Variants in ALG9 observed in about 807,000 individuals in gnomAD.
ALG9 encodes the protein alpha-1,2-mannosyltransferase ALG9.
A neutral mutation model predicts 81.8 loss-of-function variants in ALG9; 55 were observed. The ratio of observed to expected loss-of-function variants is 0.67; its 90% confidence interval spans 0.54 to 0.84. The LOEUF is 0.84. ALG9 is among the 40% of genes least tolerant of loss of function. ALG9 has a pLI of 0.00. For synonymous variants in ALG9, 278 were observed against 274.3 expected (o/e 1.01, Z -0.13); for missense variants, 629 against 745.0 (o/e 0.84, Z 1.81).
rs868945577 is a variant in ALG9 at position 111,870,821 on chromosome 11, A to G, written c.132-451T>C. ...TTCTCCTTTTCTTTCTTTTCTTAAC[A>G]AGGTCATTGCTTTTGATGGCTTTAT... is the stretch of plus-strand genomic sequence containing the variant. On this transcript the variant is annotated intron_variant, in intron 1 of 14. Coordinates refer to ENST00000616540, the MANE Select transcript of ALG9 (RefSeq NM_024740.2). 123 of 1,006,864 alleles carry G rather than the reference A, an allele frequency of 1.2e-4. No homozygotes were observed. The Middle Eastern group carries it at 2.0e-3, about 16-fold the overall frequency. The allele number at this position is 1,006,864 out of a possible 1,614,324, so 62.4% of individuals were successfully genotyped here.
intron 8 of ALG9, among the ~76,000 whole-genome samples, chr11:111,852,099 A>T (rs1957919737): frequency 6.6e-6 from 1 of 152,194 alleles, no homozygotes; most frequent in South Asian, 2.1e-4. Flanking sequence ...CTATTGGCAA[A>T]ATGGCACAGG....
chr11:111,804,364 G>A (rs1949616510), intron 14 of ALG9, among the ~76,000 whole-genome samples: 1 of 152,178 alleles, frequency 6.6e-6, no homozygotes. Context: ...CACAGACTGG[G>A]AGAAAATACT....
intron 13 of ALG9, among the ~76,000 whole-genome samples, chr11:111,830,921 G>T (rs901552341): frequency 6.6e-6 from 1 of 152,030 alleles, no homozygotes; most frequent in Non-Finnish European, 1.5e-5. Flanking sequence ...CTGTAATCCC[G>T]CCACTTTGGG....
chr11:111,795,954 A>G (rs1435219901), intron 14 of ALG9, among the ~76,000 whole-genome samples: 1 of 152,210 alleles, frequency 6.6e-6, no homozygotes, highest in Non-Finnish European at 1.5e-5. Context: ...CCCATTCATC[A>G]GTCCTGTGGA....
chr11:111,831,080 A>T (rs1954283361), intron 13 of ALG9, among the ~76,000 whole-genome samples: 1 of 152,052 alleles, frequency 6.6e-6, no homozygotes, highest in African/African-American at 2.4e-5. Flanking sequence ...TCGCTCCGTC[A>T]CCGAGGCTGG....
At chr11:111,815,130 T>C (rs1272234662) in intron 13 of ALG9, among the ~76,000 whole-genome samples, 1 of 152,186 alleles carries the variant, frequency 6.6e-6, no homozygotes, top group Non-Finnish European at 1.5e-5. Context: ...TCAGTCAGAT[T>C]AGGCTTCATT....
chr11:111,808,182 G>C (rs138854849), intron 14 of ALG9, among the ~76,000 whole-genome samples: 1 of 152,194 alleles, frequency 6.6e-6, no homozygotes, highest in African/African-American at 2.4e-5. Context: ...GCTACAAAAA[G>C]ACTTACAAGA....
intron 14 of ALG9, among the ~76,000 whole-genome samples, chr11:111,807,547 A>G (rs1950102476): frequency 6.6e-6 from 1 of 152,126 alleles, no homozygotes; most frequent in African/African-American, 2.4e-5. Context: ...TCATCCTCTA[A>G]TATACTATAT....
chr11:111,778,035 C>T (rs1591729121), downstream of ALG9: 1 of 152,234 alleles, frequency 6.6e-6, no homozygotes, highest in Non-Finnish European at 1.5e-5. Flanking sequence ...TACTGTGCTT[C>T]TGTCAAATAA....
intron 13 of ALG9, among the ~76,000 whole-genome samples, chr11:111,833,355 T>C (rs1340956622): frequency 2.6e-5 from 4 of 152,130 alleles, no homozygotes; most frequent in African/African-American, 9.7e-5. Flanking sequence ...TCCTGTTCAA[T>C]AATGAGATAT....
chr11:111,837,730 G>A, intron 11 of ALG9, 115 bp from the exon 12 acceptor site: 1 of 1,167,184 alleles, frequency 8.6e-7, no homozygotes, highest in Non-Finnish European at 1.2e-6. Context: ...AAGGCAGGAA[G>A]GGCCATAGCC....
chr11:111,871,214 T>C (rs1566326757), intron 1 of ALG9, 138 bp downstream of exon 1: 5 of 1,311,796 alleles, frequency 3.8e-6, no homozygotes, highest in Non-Finnish European at 4.8e-6. Context: ...CAATAGGACC[T>C]AGCTGAAGAG....
intron 5 of ALG9, among the ~76,000 whole-genome samples, chr11:111,859,369 G>A (rs530462846): frequency 1.3e-5 from 2 of 152,128 alleles, no homozygotes; most frequent in South Asian, 4.2e-4. Context: ...GGGCGTGGTG[G>A]TGCACGCCTG....
At chr11:111,825,852 C>G (rs1402917089) in intron 13 of ALG9, among the ~76,000 whole-genome samples, 1 of 151,026 alleles carries the variant, frequency 6.6e-6, no homozygotes, top group Non-Finnish European at 1.5e-5. Context: ...GACCTGAGGT[C>G]AGGAGTTTGA....
chr11:111,865,307 C>A, intron 3 of ALG9, 56 bp from the exon 4 acceptor site: 1 of 1,343,558 alleles, frequency 7.4e-7, no homozygotes, highest in South Asian at 1.3e-5. Flanking sequence ...TAGAAAAACT[C>A]ATAAACATGA....
chr11:111,867,503 G>T (rs1444147522), intron 3 of ALG9, among the ~76,000 whole-genome samples: 1 of 152,040 alleles, frequency 6.6e-6, no homozygotes, highest in Admixed American at 6.6e-5. Context: ...AAAATTAGAA[G>T]ATATAAAGAA....
intron 8 of ALG9, among the ~76,000 whole-genome samples, chr11:111,847,043 ATGTTTAC>A (rs1306325128): frequency 2.0e-5 from 3 of 152,144 alleles, no homozygotes; most frequent in African/African-American, 7.2e-5. Context: ...AGAAGGGATA[ATGTTTAC>A]TGCTCCATAG....
intron 10 of ALG9, 35 bp downstream of exon 10, chr11:111,840,620 A>T (rs1555122733): frequency 6.2e-7 from 1 of 1,613,382 alleles, no homozygotes; most frequent in South Asian, 1.1e-5. Flanking sequence ...TAAGTAAAAA[A>T]GAATGAGGCA....
intron 3 of ALG9, among the ~76,000 whole-genome samples, chr11:111,867,219 C>T (rs558481062): frequency 6.6e-6 from 1 of 152,326 alleles, no homozygotes; most frequent in African/African-American, 2.4e-5. Flanking sequence ...AATGTAAATG[C>T]AATCATACCT....
Sources: gnomAD v4.1 joint callset for allele counts (sites outside exome capture counted in the v4.1 genomes callset) on GRCh38, gnomAD v4.1.1 for gene constraint, MANE v1.5 for transcripts, NCBI Gene and HGNC (gene_info 2026-07-23, HGNC 2026-07-21) for gene names.